The following NLGN4X variants were observed in gnomAD, a reference collection of about 807,000 sequenced individuals.
NLGN4X encodes the protein neuroligin-4, X-linked.
In NLGN4X, 3 loss-of-function variants were observed where a neutral mutation model predicts 40.3. The ratio of observed to expected loss-of-function variants is 0.07; its 90% CI spans 0.03 to 0.19. The LOEUF is 0.19. Ranked by LOEUF, NLGN4X falls within the 10% of genes least tolerant of loss-of-function variation. NLGN4X has a pLI of 1.00. For missense variants in NLGN4X, 382 were observed against 708.3 expected (o/e 0.54, Z 5.23); for synonymous variants, 270 against 306.8 (o/e 0.88, Z 1.25).
intron 3 of NLGN4X, among the ~76,000 whole-genome samples, chrX:5,949,325 A>G (rs2034230831): frequency 8.9e-6 from 1 of 112,040 alleles, no homozygotes; most frequent in Non-Finnish European, 1.9e-5. Context: ...TCCTACATAG[A>G]GGGGAAGTTG....
chrX:5,991,751 T>C (rs749606253), intron 3 of NLGN4X, among the ~76,000 whole-genome samples: 14 of 112,131 alleles, frequency 1.2e-4, no homozygotes, highest in South Asian at 3.7e-4. Context: ...TGAGTTATAA[T>C]TGAAATCAGC....
intron 2 of NLGN4X, among the ~76,000 whole-genome samples, chrX:6,052,729 T>C (rs1485332600): frequency 1.8e-5 from 2 of 112,339 alleles, no homozygotes; most frequent in Non-Finnish European, 3.8e-5. Flanking sequence ...CTATTGGGAT[T>C]AAAGAATATT....
At chrX:5,894,664 CAT>C (rs1226615113) in intron 5 of NLGN4X, among the ~76,000 whole-genome samples, 2 of 111,989 alleles carry the variant, frequency 1.8e-5, no homozygotes, top group Non-Finnish European at 3.8e-5. Flanking sequence ...ATTCATAAAA[CAT>C]AGGGCCTTTA....
chrX:6,160,871 CTATA>C (rs1233007918), intron 1 of NLGN4X, among the ~76,000 whole-genome samples: 3 of 93,283 alleles, frequency 3.2e-5, no homozygotes, highest in East Asian at 3.0e-4. Flanking sequence ...AACTAACCTG[CTATA>C]TATAGAGAGA....
intron 1 of NLGN4X, among the ~76,000 whole-genome samples, chrX:6,191,974 A>C (rs1376241223): frequency 8.9e-6 from 1 of 112,173 alleles, no homozygotes; most frequent in Non-Finnish European, 1.9e-5. Flanking sequence ...GAAATATTTT[A>C]ATTCTGGATC....
chrX:6,023,131 G>A (rs1182084943), intron 3 of NLGN4X, among the ~76,000 whole-genome samples: 3 of 111,455 alleles, frequency 2.7e-5, no homozygotes, highest in East Asian at 2.8e-4. Context: ...TTATGCACAC[G>A]ACACAGCAAG....
chrX:6,188,268 C>T (rs1348519979), intron 1 of NLGN4X, among the ~76,000 whole-genome samples: 1 of 112,294 alleles, frequency 8.9e-6, no homozygotes. Context: ...CATGTCTGCA[C>T]AACTCTGTTC....
intron 2 of NLGN4X, among the ~76,000 whole-genome samples, chrX:6,081,407 A>G (rs1273394972): frequency 8.9e-6 from 1 of 112,521 alleles, no homozygotes; most frequent in African/African-American, 3.2e-5. Flanking sequence ...ATGAGCCACT[A>G]TGCCCAGTGG....
chrX:6,190,186 G>A (rs1459662255), intron 1 of NLGN4X, among the ~76,000 whole-genome samples: 1 of 110,929 alleles, frequency 9.0e-6, no homozygotes, highest in Non-Finnish European at 1.9e-5. Flanking sequence ...TTTATGGCAG[G>A]AAATATGGAG....
intron 2 of NLGN4X, among the ~76,000 whole-genome samples, chrX:6,062,089 C>T (rs947711917): frequency 9.0e-6 from 1 of 111,473 alleles, no homozygotes; most frequent in African/African-American, 3.3e-5. Flanking sequence ...GGATATCTTC[C>T]GTTTGATGTC....
chrX:6,008,615 C>A lies in NLGN4X; in HGVS notation c.625+20665G>T, dbSNP rs778350049. Among the ~76,000 whole-genome samples, 3 of 111,995 alleles carry A rather than the reference C, an allele frequency of 2.7e-5. No homozygotes were observed. In the South Asian group the frequency reaches 1.1e-3, roughly 41 times the overall value. Reference sequence around the variant, plus strand: ...TGCAGGATATGAGATACTGAACATGCTCTAACATGGTGATGATTACAAATA... The same window carrying A: ...TGCAGGATATGAGATACTGAACATGATCTAACATGGTGATGATTACAAATA... On this transcript the variant is annotated intron_variant, in intron 3 of 5. Coordinates refer to ENST00000381095, the MANE Select transcript of NLGN4X (RefSeq NM_181332.3).
intron 3 of NLGN4X, among the ~76,000 whole-genome samples, chrX:6,027,421 T>G (rs1490019139): frequency 8.9e-6 from 1 of 112,451 alleles, no homozygotes; most frequent in Non-Finnish European, 1.9e-5. Flanking sequence ...ATAAGTTTTT[T>G]GACACTAAAA....
In NLGN4X at chrX:6,029,432, T is replaced by C. The variant is rs776177310; in HGVS notation, c.473A>G (p.Asp158Gly). ...YLNIYVPTED[D>G]IHDQNSKKPV... The stretch of plus-strand genomic sequence containing the variant: ...CTTCTTACTGTTCTGATCATGAATA[T>C]CTGGAAAAAAAAGCCAAGTAAGGAA... Residue 158 changes from aspartate to glycine, a missense_variant and splice_region_variant, in exon 3 of 6, where the codon GAT becomes GGT. Coordinates refer to ENST00000381095, the MANE Select transcript of NLGN4X (RefSeq NM_181332.3). 1.7e-6 allele frequency: 2 copies of C among 1,209,585 alleles called. No homozygotes were observed. Among genetic ancestry groups the C allele is most frequent in the Non-Finnish European group, 2.2e-6 (2 of 894,259 alleles).
intron 3 of NLGN4X, among the ~76,000 whole-genome samples, chrX:5,929,757 C>T (rs183763879): frequency 1.2e-4 from 13 of 112,277 alleles, no homozygotes; most frequent in Admixed American, 3.8e-4. Flanking sequence ...GCAAAGAGTG[C>T]ACTTCATTTA....
chrX:6,072,615 A>G (rs1219911157), intron 2 of NLGN4X, among the ~76,000 whole-genome samples: 3 of 111,856 alleles, frequency 2.7e-5, no homozygotes, highest in African/African-American at 9.8e-5. Context: ...ATATGTTGCT[A>G]GCACCTACTC....
intron 3 of NLGN4X, among the ~76,000 whole-genome samples, chrX:5,943,639 C>T (rs1161197939): frequency 1.8e-5 from 2 of 112,383 alleles, no homozygotes; most frequent in Non-Finnish European, 3.8e-5. Flanking sequence ...GTCTGCAATG[C>T]TCAGTACCCA....
intron 2 of NLGN4X, among the ~76,000 whole-genome samples, chrX:6,038,463 C>T (rs1350732186): frequency 8.9e-6 from 1 of 112,910 alleles, no homozygotes; most frequent in African/African-American, 3.2e-5. Flanking sequence ...TTGAATAACA[C>T]TACCACAATG....
In NLGN4X at chrX:6,128,308, T is replaced by A. The variant is rs58328467; in HGVS notation, c.472+22687A>T. Among the ~76,000 whole-genome samples, 6 of 111,560 alleles carry A rather than the reference T, an allele frequency of 5.4e-5. No individual in the cohort carries two copies. In the East Asian group the frequency reaches 1.7e-3, roughly 31 times the overall value. On this transcript the variant is annotated intron_variant, in intron 2 of 5. Coordinates refer to ENST00000381095, the MANE Select transcript of NLGN4X (RefSeq NM_181332.3). ...CGCCAAGCTATCATTATCTTCTATT[T>A]TACATAATATGCAACAAAACTGAGA...
rs1569309354 is a variant in NLGN4X at position 6,225,681 on chromosome X, C to CTTTTTTTTTTTTTTTTTT, written c.-306+2859_-306+2860insAAAAAAAAAAAAAAAAAA. ...CTTTTTCTTTTCCTTTTTTTTCTTTCTTTTTTTCTTTTTTTTTTTTTTTTT... is the reference window on the plus strand; with the variant it reads ...CTTTTTCTTTTCCTTTTTTTTCTTTCTTTTTTTTTTTTTTTTTTTTTTTTTCTTTTTTTTTTTTTTTTT... On this transcript the variant is annotated intron_variant, in intron 1 of 5. Coordinates refer to ENST00000381095, the MANE Select transcript of NLGN4X (RefSeq NM_181332.3). Among the ~76,000 whole-genome samples the CTTTTTTTTTTTTTTTTTT allele has an allele frequency of 6.4e-3, 217 of 33,737 alleles. 6 individuals are homozygous for CTTTTTTTTTTTTTTTTTT. Among genetic ancestry groups the CTTTTTTTTTTTTTTTTTT allele is most frequent in the Non-Finnish European group, 8.7e-3 (173 of 19,916 alleles). 29.3% of individuals were successfully genotyped at this position (33,737 alleles called of 115,157 possible).
Sources: allele counts gnomAD v4.1 joint callset (sites outside exome capture counted in the v4.1 genomes callset), GRCh38; gene constraint gnomAD v4.1.1; transcripts MANE v1.5; gene names NCBI Gene and HGNC (gene_info 2026-07-23, HGNC 2026-07-21).